USF3: variants seen among roughly 807,000 people sequenced by gnomAD.
USF3 encodes the protein upstream transcription factor family member 3.
USF3 carries 29 observed loss-of-function variants against 157.5 expected under a neutral mutation model. The ratio of observed to expected loss-of-function variants is 0.18; its 90% CI spans 0.14 to 0.25. The LOEUF is 0.25. Among genes scored for constraint, USF3 ranks in the 10% least tolerant of loss-of-function variants. The probability of loss-of-function intolerance (pLI) is 1.00; values close to 1 mark genes in which losing one functional copy is unlikely to be tolerated. For synonymous variants in USF3, 893 were observed against 941.4 expected (o/e 0.95, Z 0.94); for missense variants, 2,381 against 2,667.6 (o/e 0.89, Z 2.37).
Position 113,659,426 on chromosome 3 carries a change from T to C in USF3, c.2256A>G (p.Ser752=), listed in dbSNP as rs1308026516. 1 of 1,614,274 alleles carries C rather than the reference T, an allele frequency of 6.2e-7. No individual in the cohort carries two copies. The highest frequency in any genetic ancestry group is 1.1e-5 in the South Asian group (1 of 91,086). Residue 752 remains serine (S), a synonymous_variant, in exon 7 of 7, where the codon TCA becomes TCG. Coordinates refer to ENST00000316407, the MANE Select transcript of USF3 (RefSeq NM_001009899.4). ...NSQTTTANCV[S]LTTTAAPPVT... is the part of the protein sequence containing the mutation. Reference sequence around the variant, plus strand: ...CAGGAGGTGCTGCAGTTGTTGTTAATGAAACACAGTTAGCTGTAGTGGTTT... The same window carrying C: ...CAGGAGGTGCTGCAGTTGTTGTTAACGAAACACAGTTAGCTGTAGTGGTTT...
In USF3 at chr3:113,657,160, T is replaced by C. The variant is rs767215870; in HGVS notation, c.4522A>G (p.Asn1508Asp). 3 of 1,614,132 alleles carry C rather than the reference T, an allele frequency of 1.9e-6. No homozygotes were observed. Among genetic ancestry groups the C allele is most frequent in the Admixed American group, 1.7e-5 (1 of 60,012 alleles). Residue 1508 changes from asparagine (N) to aspartate (D), a missense_variant, in exon 7 of 7, where the codon AAT becomes GAT. This residue lies in a region of USF3 where 50 missense variants were observed against 79.7 expected (regional missense o/e 0.63). Transcript: ENST00000316407. ...AESSVHSQPH[N>D]VHQQRTLQQE... Reference sequence around the variant, plus strand: ...TGCAGAGTCCTCTGTTGGTGGACATTATGGGGCTGAGAGTGGACAGAGCTC... The same window carrying C: ...TGCAGAGTCCTCTGTTGGTGGACATCATGGGGCTGAGAGTGGACAGAGCTC...
Position 113,657,437 on chromosome 3 carries a change from T to C in USF3, c.4245A>G (p.Gln1415=). The C allele has an allele frequency of 3.1e-6, 5 of 1,614,182 alleles. No homozygotes were observed. Among genetic ancestry groups the C allele is most frequent in the Non-Finnish European group, 4.2e-6 (5 of 1,180,028 alleles). Residue 1415 remains glutamine (Q), a synonymous_variant, in exon 7 of 7, where the codon CAA becomes CAG. Transcript: ENST00000316407. ...GCTGAGAACCACACTGAACTTCAGT[T>C]TGCCTCAATGCAGGAGTCACAAAGT... ...SNNFVTPALR[Q]TEVQCGSQPS...
Position 113,658,186 on chromosome 3 carries a change from C to T in USF3, c.3496G>A (p.Glu1166Lys), listed in dbSNP as rs1292926873. 1 of 1,614,138 alleles carries T rather than the reference C, an allele frequency of 6.2e-7. No homozygotes were observed. Among genetic ancestry groups the T allele is most frequent in the South Asian group, 1.1e-5 (1 of 91,082 alleles). Residue 1166 changes from glutamate to lysine, a missense_variant, in exon 7 of 7, where the codon GAA (glutamate) becomes AAA (lysine). By Grantham distance (56) the Glu-to-Lys change is moderately conservative (BLOSUM62 1). Around this residue, in one of 6 missense-constraint regions of USF3, gnomAD observed 1,435 missense variants for 1,550.9 expected, o/e 0.93. Transcript: ENST00000316407. The part of the protein sequence containing the change: ...DIREVASKPS[E>K]ASLLEGDPPF... ...GGGTCTCCCTCTAACAATGATGCTT[C>T]AGAAGGCTTTGAAGCAACTTCCCTT... is the stretch of plus-strand genomic sequence containing the variant.
At chr3:113,668,547 C>A (rs1707061563) in intron 5 of USF3, among the ~76,000 whole-genome samples, 1 of 151,588 alleles carries the variant, frequency 6.6e-6, no homozygotes, top group African/African-American at 2.4e-5. Flanking sequence ...TCATGCAACA[C>A]TTAGGGCTAC....
At chr3:113,677,819 A>G (rs1347439237) in intron 1 of USF3, among the ~76,000 whole-genome samples, 1 of 152,150 alleles carries the variant, frequency 6.6e-6, no homozygotes, top group Non-Finnish European at 1.5e-5. Flanking sequence ...GAAAACTTAC[A>G]TAAGGACCTT....
chr3:113,674,943 ATCT>A, intron 2 of USF3, 47 bp from the exon 3 acceptor site: 1 of 1,276,114 alleles, frequency 7.8e-7, no homozygotes, highest in Non-Finnish European at 1.1e-6. Flanking sequence ...TCATTCTAGA[ATCT>A]TACAAAAATT....
intron 4 of USF3, among the ~76,000 whole-genome samples, chr3:113,670,663 T>C (rs1036125772): frequency 6.6e-6 from 1 of 152,152 alleles, no homozygotes. Context: ...TTATCAAACA[T>C]TATCTACTAT....
In USF3 at chr3:113,658,395, C is replaced by T. The variant is rs369163471; in HGVS notation, c.3287G>A (p.Arg1096His). ...SPMSTSSGSSRSFSVASMLPE... is the reference protein window; with the variant it reads ...SPMSTSSGSSHSFSVASMLPE... ...AAGCATGGATGCAACTGAGAAACTA[C>T]GACTACTGCCAGAGCTGGTTGACAT... Residue 1096 changes from arginine (R) to histidine (H), a missense_variant, in exon 7 of 7, where the codon CGT becomes CAT. Transcript: ENST00000316407. The T allele has an allele frequency of 5.3e-5, 86 of 1,614,122 alleles. No individual in the cohort carries two copies. The African/African-American group carries it at 5.5e-4, about 10-fold the overall frequency.
intron 1 of USF3, among the ~76,000 whole-genome samples, chr3:113,681,859 C>T (rs2107952903): frequency 6.6e-6 from 1 of 150,878 alleles, no homozygotes; most frequent in South Asian, 2.1e-4. Flanking sequence ...GCTGGGATTA[C>T]AGGTACCTGC....
At chr3:113,674,685 G>A in intron 3 of USF3, 147 bp downstream of exon 3, 1 of 719,584 alleles carries the variant, frequency 1.4e-6, no homozygotes, top group Non-Finnish European at 2.5e-6. Flanking sequence ...CAGTAAATCT[G>A]TATTTATCTA....
Position 113,657,836 on chromosome 3 carries a change from A to G in USF3, c.3846T>C (p.Tyr1282=). Residue 1282 remains tyrosine (Y), a synonymous_variant, in exon 7 of 7, where the codon TAT becomes TAC. Transcript: ENST00000316407. Reference sequence around the variant, plus strand: ...GAGATGGTCCAGGAGGTTGACTGCCATAGGAGCTAGATGAAACGGTCAGAT... The same window carrying G: ...GAGATGGTCCAGGAGGTTGACTGCCGTAGGAGCTAGATGAAACGGTCAGAT... The part of the protein sequence containing the change: ...TVNLTVSSSS[Y]GSQPPGPSLM... 6.2e-7 allele frequency: 1 copy of G among 1,614,162 alleles called. No individual in the cohort carries two copies.
chr3:113,676,892 T>C (rs990266011), intron 2 of USF3, among the ~76,000 whole-genome samples: 1 of 152,352 alleles, frequency 6.6e-6, no homozygotes, highest in South Asian at 2.1e-4. Context: ...ATTACATTAT[T>C]GGATTGTTCC....
intron 5 of USF3, 83 bp from the exon 6 acceptor site, chr3:113,664,492 C>A: frequency 1.5e-6 from 1 of 685,498 alleles, no homozygotes; most frequent in South Asian, 1.8e-5. Context: ...TTGTCTTTAT[C>A]ACATATATAT....
At chr3:113,683,257 C>A (rs1481384176) in intron 1 of USF3, among the ~76,000 whole-genome samples, 2 of 148,746 alleles carry the variant, frequency 1.3e-5, no homozygotes, top group East Asian at 4.1e-4. Context: ...AGTTTTTAAT[C>A]TATAAAAACT....
rs896763527 is a variant in USF3, at chr3:113,657,331, A to T, written c.4351T>A (p.Ser1451Thr). The change falls in exon 7 of 7, where the codon TCT (serine) becomes ACT (threonine). Residue 1451 changes from serine to threonine, a missense_variant. Ser to Thr is a moderately conservative substitution (Grantham distance 58). Coordinates refer to ENST00000316407, the MANE Select transcript of USF3 (RefSeq NM_001009899.4). ...LQQHVPAQGV[S>T]HLHSNHLYIK... ...TAGAGATGGTTACTATGAAGGTGAG[A>T]TACACCTTGAGCTGGAACATGCTGC... 6.8e-6 allele frequency: 11 copies of T among 1,613,358 alleles called. No homozygotes were observed. Among genetic ancestry groups the T allele is most frequent in the Non-Finnish European group, 9.3e-6 (11 of 1,179,806 alleles).
chr3:113,685,655 A>G (rs1707531078), intron 1 of USF3, among the ~76,000 whole-genome samples: 1 of 152,160 alleles, frequency 6.6e-6, no homozygotes, highest in Non-Finnish European at 1.5e-5. Context: ...GTCACACCTG[A>G]AATGAGCACA....
At chr3:113,662,640 T>G (rs943898040) in intron 6 of USF3, among the ~76,000 whole-genome samples, 2 of 152,226 alleles carry the variant, frequency 1.3e-5, no homozygotes, top group Admixed American at 1.3e-4. Context: ...ACAATCATTA[T>G]GGACCAAATA....
rs1947233569 is a variant in USF3, at chr3:113,650,002, T to G, written c.*4942A>C. Reference sequence around the variant, plus strand: ...TCTGCCTTTAATTTGCATATAAGTATCATAAAATCATCACTCACAGATTAA... The same window carrying G: ...TCTGCCTTTAATTTGCATATAAGTAGCATAAAATCATCACTCACAGATTAA... On this transcript the variant is annotated 3_prime_UTR_variant, in exon 7 of 7. Transcript: ENST00000316407. 6.5e-6 allele frequency: 4 copies of G among 615,152 alleles called. No homozygotes were observed. The highest frequency in any genetic ancestry group is 1.2e-5 in the Non-Finnish European group (4 of 345,956). The allele number at this position is 615,152 out of a possible 1,614,324, so 38.1% of individuals were successfully genotyped here.
In USF3 at chr3:113,659,295, T is replaced by C; in HGVS notation, c.2387A>G (p.Asn796Ser). Residue 796 changes from asparagine to serine, a missense_variant, in exon 7 of 7, where the codon AAT becomes AGT. Physicochemically the swap from Asn to Ser is conservative, Grantham distance 46 (BLOSUM62 1). Around this residue, in one of 6 missense-constraint regions of USF3, gnomAD observed 1,435 missense variants for 1,550.9 expected, o/e 0.93. Coordinates refer to ENST00000316407, the MANE Select transcript of USF3 (RefSeq NM_001009899.4). ...GTGTTTCCTGCCACCTGGCTTCTTATTCAACCTTTTAGATTTCATGTTAGG... is the reference window on the plus strand; with the variant it reads ...GTGTTTCCTGCCACCTGGCTTCTTACTCAACCTTTTAGATTTCATGTTAGG... ...CLPNMKSKRL[N>S]KKPGGRKHLA... is the part of the protein sequence containing the mutation. The C allele has an allele frequency of 6.2e-7, 1 of 1,614,230 alleles. No individual in the cohort carries two copies. The highest frequency in any genetic ancestry group is 8.5e-7 in the Non-Finnish European group (1 of 1,180,040).
Sources: allele counts gnomAD v4.1 joint callset (sites outside exome capture counted in the v4.1 genomes callset), GRCh38; gene constraint gnomAD v4.1.1; regional missense constraint gnomAD v4.1.1; transcripts MANE v1.5; gene names NCBI Gene and HGNC (gene_info 2026-07-23, HGNC 2026-07-21).